The following SPAG16 variants were observed in gnomAD, a reference collection of about 807,000 sequenced individuals.
SPAG16 encodes the protein sperm associated antigen 16.
SPAG16 carries 86 observed loss-of-function variants against 80.4 expected under a neutral mutation model. The ratio of observed to expected loss-of-function variants is 1.07; its 90% CI spans 0.90 to 1.28. The LOEUF (loss-of-function observed/expected upper bound fraction) is 1.28, where lower values mean the gene tolerates loss of function less well. Ranked by LOEUF, SPAG16 falls within the 50% of genes most tolerant of loss-of-function variation. The pLI, the probability that SPAG16 is intolerant of heterozygous loss-of-function variation, is 0.00. For synonymous variants in SPAG16, 294 were observed against 265.9 expected (o/e 1.11, Z -1.03); for missense variants, 870 against 765.3 (o/e 1.14, Z -1.61).
intron 10 of SPAG16, among the ~76,000 whole-genome samples, chr2:213,742,916 T>G (rs2067637490): frequency 6.6e-6 from 1 of 151,366 alleles, no homozygotes; most frequent in Non-Finnish European, 1.5e-5. Context: ...GTATTGTTGT[T>G]TTTTTGAGAC....
At chr2:213,377,879 GTGTATATATATATA>G (rs751877541) in intron 9 of SPAG16, among the ~76,000 whole-genome samples, 164 of 142,502 alleles carry the variant, frequency 1.2e-3, no homozygotes, top group Middle Eastern at 3.6e-3. Context: ...CTAATAGGAT[GTGTATATATATATA>G]TATATATATA....
chr2:213,502,920 T>A (rs1167182332), intron 10 of SPAG16, among the ~76,000 whole-genome samples: 1 of 152,000 alleles, frequency 6.6e-6, no homozygotes, highest in African/African-American at 2.4e-5. Flanking sequence ...AATGAATGAG[T>A]TCCTAGAAAA....
At chr2:213,869,831 T>G (rs2075879779) in intron 11 of SPAG16, among the ~76,000 whole-genome samples, 1 of 152,148 alleles carries the variant, frequency 6.6e-6, no homozygotes, top group Non-Finnish European at 1.5e-5. Flanking sequence ...TATAATAATG[T>G]CCGTACGTAT....
chr2:213,806,807 A>G (rs1689562971), intron 10 of SPAG16, among the ~76,000 whole-genome samples: 1 of 152,200 alleles, frequency 6.6e-6, no homozygotes. Context: ...CCTAATACAA[A>G]GTTATTTGCC....
At chr2:214,404,886 A>T (rs1701910823) in intron 15 of SPAG16, among the ~76,000 whole-genome samples, 1 of 152,198 alleles carries the variant, frequency 6.6e-6, no homozygotes. Context: ...AATTTTTAGT[A>T]CATATTATAT....
At chr2:214,012,288 A>ATATATATATTTTT (rs1553694500) in intron 12 of SPAG16, among the ~76,000 whole-genome samples, 1 of 46,820 alleles carries the variant, frequency 2.1e-5, no homozygotes, top group African/African-American at 1.2e-4. Flanking sequence ...ATATATATAT[A>ATATATATATTTTT]TTTTTTTTTT....
chr2:213,591,004 G>A (rs1000009181), intron 10 of SPAG16, among the ~76,000 whole-genome samples: 2 of 152,166 alleles, frequency 1.3e-5, no homozygotes, highest in African/African-American at 4.8e-5. Flanking sequence ...CAACATGGAT[G>A]CAGCTGGAGG....
Position 213,913,561 on chromosome 2 carries a change from CTG to C in SPAG16, c.1215-16391_1215-16390del, listed in dbSNP as rs1252499520. 8.9e-5 allele frequency among the ~76,000 whole-genome samples: 11 copies of C among 122,966 alleles called. No individual in the cohort carries two copies. The South Asian group carries it at 1.6e-3, about 17-fold the overall frequency. 80.7% of individuals were successfully genotyped at this position (122,966 alleles called of 152,430 possible). A position where few individuals can be genotyped will look rare whatever the true frequency, so the allele number is the denominator to read the frequency against. Reference sequence around the variant, plus strand: ...ATACATATGTATTGTGTGTATCTCTCTGTGTGTGTATATATATGTACATGTAC... The same window carrying C: ...ATACATATGTATTGTGTGTATCTCTCTGTGTGTATATATATGTACATGTAC... On this transcript the variant is annotated intron_variant, in intron 11 of 15. Transcript: ENST00000331683.
intron 15 of SPAG16, among the ~76,000 whole-genome samples, chr2:214,319,396 G>A (rs1695942007): frequency 6.6e-6 from 1 of 151,860 alleles, no homozygotes; most frequent in African/African-American, 2.4e-5. Flanking sequence ...AATGTGGTTG[G>A]GCTGTGTGGG....
intron 9 of SPAG16, among the ~76,000 whole-genome samples, chr2:213,397,412 T>G (rs1464613988): frequency 6.6e-6 from 1 of 152,198 alleles, no homozygotes; most frequent in African/African-American, 2.4e-5. Flanking sequence ...CCCTCCTTCA[T>G]GAACATACCC....
At chr2:214,348,310 C>G (rs1221657441) in intron 15 of SPAG16, among the ~76,000 whole-genome samples, 2 of 152,178 alleles carry the variant, frequency 1.3e-5, no homozygotes, top group African/African-American at 4.8e-5. Flanking sequence ...GGGTGTTTTT[C>G]ACATGGAAGA....
chr2:214,120,365 A>G (rs556440999), intron 14 of SPAG16, among the ~76,000 whole-genome samples: 8 of 151,850 alleles, frequency 5.3e-5, no homozygotes, highest in Admixed American at 6.6e-5. Context: ...AGTATTTTAG[A>G]TTCTTTTCAA....
chr2:213,545,423 T>TA (rs1284585062), intron 10 of SPAG16, among the ~76,000 whole-genome samples: 4 of 152,282 alleles, frequency 2.6e-5, no homozygotes, highest in African/African-American at 9.6e-5. Flanking sequence ...CTTCTGTTTT[T>TA]ATTCTCTTGA....
At chr2:213,302,701 A>G (rs925187534) in intron 3 of SPAG16, 4 of 151,884 alleles carry the variant, frequency 2.6e-5, no homozygotes, top group Admixed American at 2.0e-4. Context: ...AGGTATATTT[A>G]CAAGCTTATA....
intron 10 of SPAG16, among the ~76,000 whole-genome samples, chr2:213,815,724 G>A (rs2072489830): frequency 6.6e-6 from 1 of 151,902 alleles, no homozygotes; most frequent in South Asian, 2.1e-4. Context: ...TTATCTCAAA[G>A]TAACCACAAA....
At chr2:214,270,531 C>T (rs959514167) in intron 15 of SPAG16, among the ~76,000 whole-genome samples, 1 of 152,216 alleles carries the variant, frequency 6.6e-6, no homozygotes, top group African/African-American at 2.4e-5. Context: ...ATGGAACTCA[C>T]GAGCCTCTAT....
intron 15 of SPAG16, among the ~76,000 whole-genome samples, chr2:214,208,867 G>T (rs1369316402): frequency 6.6e-6 from 1 of 152,134 alleles, no homozygotes; most frequent in Non-Finnish European, 1.5e-5. Flanking sequence ...CTACCTCATA[G>T]GTTTGTGGTG....
At chr2:213,877,458 C>A (rs188636282) in intron 11 of SPAG16, among the ~76,000 whole-genome samples, 3 of 151,998 alleles carry the variant, frequency 2.0e-5, no homozygotes, top group Non-Finnish European at 4.4e-5. Context: ...CACAGTCACA[C>A]GCTACCACAC....
At chr2:214,251,838 G>C (rs960966076) in intron 15 of SPAG16, among the ~76,000 whole-genome samples, 17 of 152,072 alleles carry the variant, frequency 1.1e-4, no homozygotes, top group Non-Finnish European at 2.4e-4. Context: ...GAAAAGTAGG[G>C]TCTAAGTAGC....
Sources: gnomAD v4.1 joint callset for allele counts (sites outside exome capture counted in the v4.1 genomes callset) on GRCh38, gnomAD v4.1.1 for gene constraint, MANE v1.5 for transcripts, NCBI Gene and HGNC (gene_info 2026-07-23, HGNC 2026-07-21) for gene names.